RYR3: variants seen among roughly 807,000 people sequenced by gnomAD.
RYR3 encodes the protein ryanodine receptor 3.
A neutral mutation model predicts 584.3 loss-of-function variants in RYR3; 207 were observed. The ratio of observed to expected loss-of-function variants is 0.35; its 90% confidence interval spans 0.32 to 0.40. The LOEUF (loss-of-function observed/expected upper bound fraction) is 0.40. Ranked by LOEUF, RYR3 falls within the 10% of genes least tolerant of loss-of-function variation. RYR3 has a pLI of 1.00. For missense variants in RYR3, 5,616 were observed against 6,089.2 expected (o/e 0.92, Z 2.59); for synonymous variants, 2,416 against 2,248.5 (o/e 1.07, Z -2.11).
chr15:33,319,625 T>G (rs565462621), intron 1 of RYR3, among the ~76,000 whole-genome samples: 1 of 152,348 alleles, frequency 6.6e-6, no homozygotes, highest in South Asian at 2.1e-4. Flanking sequence ...TTTGCTATAT[T>G]TGGCAGCATT....
At chr15:33,613,162 T>C in intron 18 of RYR3, 21 bp from the exon 19 acceptor site, 2 of 1,604,556 alleles carry the variant, frequency 1.2e-6, no homozygotes, top group Non-Finnish European at 1.7e-6. Flanking sequence ...CACAGCCTTC[T>C]TCCTGTTCTT....
At chr15:33,820,844 A>C (rs761168053) in intron 78 of RYR3, 32 bp downstream of exon 78, 1 of 1,528,940 alleles carries the variant, frequency 6.5e-7, no homozygotes, top group Admixed American at 1.9e-5. Context: ...AAATAGAGCC[A>C]CCCTCCAAGG....
In RYR3 at chr15:33,670,421, G is replaced by A. The variant is rs201904748; in HGVS notation, c.5725G>A (p.Val1909Ile). The A allele has an allele frequency of 1.2e-6, 2 of 1,613,676 alleles. No individual in the cohort carries two copies. Among genetic ancestry groups the A allele is most frequent in the Admixed American group, 1.7e-5 (1 of 59,984 alleles). ...FHEDLLLHCG[V>I]PLEEEEEEEE... ...CACCCTGTTCTGTGGCTTGCTAGGG[G>A]TTCCTTTGGAAGAAGAGGAAGAGGA... The change falls in exon 38 of 104, where the codon GTT becomes ATT. Residue 1909 changes from valine (V) to isoleucine (I), a missense_variant and splice_region_variant. Around this residue, in one of 9 missense-constraint regions of RYR3, gnomAD observed 1,280 missense variants for 1,426.2 expected, o/e 0.90. Transcript: ENST00000634891.
At position 33,827,230 on chromosome 15, in the gene RYR3, C is replaced by T. The variant is rs1292224467; in HGVS notation, c.11277C>T (p.Gly3759=). ...AGAACTTCCTGCGGACTCAGATGGG[C>T]AACACCACCACCGTGAATGTCATCA... is the stretch of plus-strand genomic sequence containing the variant. ...DFQNFLRTQM[G]NTTTVNVIIS... Residue 3759 remains glycine, a synonymous_variant, in exon 85 of 104, where the codon GGC becomes GGT. Coordinates refer to ENST00000634891, the MANE Select transcript of RYR3 (RefSeq NM_001036.6). 1.3e-6 allele frequency: 2 copies of T among 1,552,174 alleles called. No individual in the cohort carries two copies. Among genetic ancestry groups the T allele is most frequent in the African/African-American group, 2.7e-5 (2 of 73,042 alleles).
intron 36 of RYR3, among the ~76,000 whole-genome samples, chr15:33,664,591 A>ATG (rs1406796211): frequency 1.7e-5 from 1 of 57,360 alleles, no homozygotes; most frequent in African/African-American, 5.9e-5. Context: ...GTGTGTGTGT[A>ATG]TATATATATA....
intron 1 of RYR3, among the ~76,000 whole-genome samples, chr15:33,470,609 G>T (rs1039940388): frequency 2.0e-5 from 3 of 152,200 alleles, no homozygotes; most frequent in Admixed American, 2.0e-4. Context: ...GGTCTGTAAA[G>T]GTGGATAGTC....
intron 1 of RYR3, among the ~76,000 whole-genome samples, chr15:33,413,133 G>A (rs142135276): frequency 6.6e-6 from 1 of 152,346 alleles, no homozygotes; most frequent in East Asian, 1.9e-4. Context: ...ATTCTGGCAT[G>A]TATGCTTCTA....
At chr15:33,531,092 G>A (rs556614274) in intron 4 of RYR3, among the ~76,000 whole-genome samples, 2 of 152,070 alleles carry the variant, frequency 1.3e-5, no homozygotes, top group Non-Finnish European at 2.9e-5. Context: ...TTTTGTGACA[G>A]TTCTCCTCCT....
At position 33,624,030 on chromosome 15, in the gene RYR3, T is replaced by A. The variant is rs765702597; in HGVS notation, c.2574+7T>A. 6.8e-6 allele frequency: 11 copies of A among 1,607,132 alleles called. No homozygotes were observed. In the African/African-American group the frequency reaches 1.1e-4, roughly 16 times the overall value. The stretch of plus-strand genomic sequence containing the variant: ...CCCCGTAGACACCAGTCAGGTAGGT[T>A]CAAATTGCCCGCAGAAGGCAACCAA... On this transcript the variant is annotated splice_region_variant and intron_variant, in intron 20 of 103. Transcript: ENST00000634891.
At chr15:33,355,784 T>C (rs536126981) in intron 1 of RYR3, among the ~76,000 whole-genome samples, 3 of 152,348 alleles carry the variant, frequency 2.0e-5, no homozygotes, top group South Asian at 4.1e-4. Context: ...CCGGTGCCAA[T>C]GATATTCATC....
At chr15:33,862,997 A>G (rs1888982026) in intron 102 of RYR3, among the ~76,000 whole-genome samples, 2 of 152,200 alleles carry the variant, frequency 1.3e-5, no homozygotes, top group African/African-American at 4.8e-5. Flanking sequence ...TTAAGAGAAT[A>G]TACATCTTAA....
At chr15:33,807,299 C>T (rs2076262087) in intron 69 of RYR3, among the ~76,000 whole-genome samples, 3 of 152,308 alleles carry the variant, frequency 2.0e-5, no homozygotes, top group African/African-American at 4.8e-5. Context: ...GAGTGCCACA[C>T]ACTCTAGAAG....
intron 10 of RYR3, among the ~76,000 whole-genome samples, chr15:33,552,944 G>A (rs2056794880): frequency 6.6e-6 from 1 of 152,140 alleles, no homozygotes; most frequent in Admixed American, 6.6e-5. Context: ...AGCAGAAAGA[G>A]GTTTGGGGCT....
intron 48 of RYR3, among the ~76,000 whole-genome samples, 187 bp from the exon 49 acceptor site, chr15:33,736,046 CTT>C (rs1384957493): frequency 2.0e-5 from 3 of 152,178 alleles, no homozygotes; most frequent in African/African-American, 7.2e-5. Flanking sequence ...CATTAGCACT[CTT>C]TTTCTGAATT....
At chr15:33,384,468 A>G (rs539275568) in intron 1 of RYR3, among the ~76,000 whole-genome samples, 157 of 116,996 alleles carry the variant, frequency 1.3e-3, no homozygotes, top group African/African-American at 4.7e-3. Context: ...ATATTATATT[A>G]TAATATTATA....
chr15:33,657,641 A>G (rs1022689118), intron 32 of RYR3, among the ~76,000 whole-genome samples: 5 of 152,236 alleles, frequency 3.3e-5, no homozygotes, highest in Admixed American at 1.3e-4. Flanking sequence ...TATAATAGGT[A>G]CTACATCATT....
At position 33,849,209 on chromosome 15, in the gene RYR3, CA is replaced by C. The variant is rs1753669728; in HGVS notation, c.13628+789del. The stretch of plus-strand genomic sequence containing the variant: ...TTAACGTAAGATTGAGAGGCAATTA[CA>C]TGGGCAGGTAAATAGAGCCGTCTGG... On this transcript the variant is annotated intron_variant, in intron 94 of 103. Coordinates refer to ENST00000634891, the MANE Select transcript of RYR3 (RefSeq NM_001036.6). The C allele has an allele frequency of 2.0e-5, 3 of 152,190 alleles. No individual in the cohort carries two copies. In the South Asian group the frequency reaches 6.2e-4, roughly 31 times the overall value. 9.4% of individuals were successfully genotyped at this position (152,190 alleles called of 1,614,324 possible).
chr15:33,800,688 C>A, intron 67 of RYR3, 82 bp from the exon 68 acceptor site: 1 of 940,828 alleles, frequency 1.1e-6, no homozygotes, highest in Non-Finnish European at 1.7e-6. Flanking sequence ...TGTATGTCTC[C>A]AGTGCTGGTA....
Position 33,604,883 on chromosome 15 carries a change from C to T in RYR3, c.2164+1519C>T, listed in dbSNP as rs576244656. On this transcript the variant is annotated intron_variant, in intron 18 of 103. Transcript: ENST00000634891. The stretch of plus-strand genomic sequence containing the variant: ...GAATCCTTATGCTCATGCACCTTTG[C>T]GGCTCCTGAGTGTGGTAGGATTAAG... 2.6e-5 allele frequency among the ~76,000 whole-genome samples: 4 copies of T among 152,300 alleles called. No homozygotes were observed. The East Asian group carries it at 5.8e-4, about 22-fold the overall frequency.
Sources: gnomAD v4.1 joint callset for allele counts (sites outside exome capture counted in the v4.1 genomes callset) on GRCh38, gnomAD v4.1.1 for gene constraint, gnomAD v4.1.1 regional missense constraint, MANE v1.5 for transcripts, NCBI Gene and HGNC (gene_info 2026-07-23, HGNC 2026-07-21) for gene names.